The following PCDHA7 variants were observed in gnomAD, a reference collection of about 807,000 sequenced individuals.
PCDHA7 encodes the protein protocadherin alpha 7.
Under a neutral mutation model 57.2 loss-of-function variants are expected in PCDHA7, and 37 were observed. The ratio of observed to expected loss-of-function variants is 0.65; its 90% CI spans 0.50 to 0.85. PCDHA7 has a LOEUF of 0.85. PCDHA7 is among the 40% of genes least tolerant of loss of function. The probability of loss-of-function intolerance (pLI) is 0.00; values close to 1 mark genes in which losing one functional copy is unlikely to be tolerated. For missense variants in PCDHA7, 1,188 were observed against 1,241.8 expected (o/e 0.96, Z 0.65); for synonymous variants, 553 against 558.8 (o/e 0.99, Z 0.15).
In PCDHA7 at chr5:140,834,427, T is replaced by C. The variant is rs2150217610; in HGVS notation, c.44T>C (p.Leu15Pro). The C allele has an allele frequency of 6.2e-7, 1 of 1,613,722 alleles. No individual in the cohort carries two copies. Among genetic ancestry groups the C allele is most frequent in the Non-Finnish European group, 8.5e-7 (1 of 1,179,742 alleles). The change falls in exon 1 of 4, where the codon CTG (leucine) becomes CCG (proline). Residue 15 changes from leucine (L) to proline (P), a missense_variant. Physicochemically the swap from Leu to Pro is moderately conservative, Grantham distance 98. Transcript: ENST00000525929. ...TACGACCCAGGGGGCCGACATCTACTGCTGTTTATTATAATTCTAGCAGCT... is the reference window on the plus strand; with the variant it reads ...TACGACCCAGGGGGCCGACATCTACCGCTGTTTATTATAATTCTAGCAGCT... ...NGYDPGGRHL[L>P]LFIIILAAWE...
chr5:140,906,595 C>T (rs1341854347), intron 1 of PCDHA7, among the ~76,000 whole-genome samples: 1 of 152,218 alleles, frequency 6.6e-6, no homozygotes, highest in Non-Finnish European at 1.5e-5. Context: ...CCTTCCTCTA[C>T]TACTCATTCT....
chr5:140,853,750 C>T (rs2042854263), intron 1 of PCDHA7: 1 of 988,454 alleles, frequency 1.0e-6, no homozygotes, highest in Non-Finnish European at 1.2e-6. Context: ...TGGTTCAAGG[C>T]TCCACCTCAG....
chr5:140,948,005 T>G (rs246049), intron 1 of PCDHA7, among the ~76,000 whole-genome samples: 85,182 of 151,072 alleles, frequency 0.56, 24,606 homozygotes, highest in African/African-American at 0.69. Flanking sequence ...TTATTAAATT[T>G]AGGAAGTACC....
rs561284006 is a variant in PCDHA7, at chr5:140,905,585, T to G, written c.2355+68847T>G. 2.0e-5 allele frequency among the ~76,000 whole-genome samples: 3 copies of G among 152,306 alleles called. No individual in the cohort carries two copies. The East Asian group carries it at 5.8e-4, about 29-fold the overall frequency. On this transcript the variant is annotated intron_variant, in intron 1 of 3. Coordinates refer to ENST00000525929, the MANE Select transcript of PCDHA7 (RefSeq NM_018910.3). ...AGTCATGTGAAGAATGATAATGATATTTTGCTGGGAATTGCATTGAATCTA... is the reference window on the plus strand; with the variant it reads ...AGTCATGTGAAGAATGATAATGATAGTTTGCTGGGAATTGCATTGAATCTA...
Position 140,841,227 on chromosome 5 carries a change from G to C in PCDHA7, c.2355+4489G>C, listed in dbSNP as rs1468435006. The C allele has an allele frequency of 2.1e-6, 3 of 1,454,606 alleles. No homozygotes were observed. The African/African-American group carries it at 4.3e-5, about 21-fold the overall frequency. The allele number at this position is 1,454,606 out of a possible 1,614,324, so 90.1% of individuals were successfully genotyped here. On this transcript the variant is annotated intron_variant, in intron 1 of 3. Transcript: ENST00000525929. The stretch of plus-strand genomic sequence containing the variant: ...ATCTGTCTCTAAAGGCCGAACAACG[G>C]GAGATGCAGCGGAATTGGATTAAAA...
chr5:140,885,998 A>G (rs2060805032), intron 1 of PCDHA7, among the ~76,000 whole-genome samples: 1 of 152,190 alleles, frequency 6.6e-6, no homozygotes, highest in Non-Finnish European at 1.5e-5. Context: ...GTTGAAAGAA[A>G]TAGTAAAGGG....
At chr5:140,906,265 TATAG>T (rs1455952624) in intron 1 of PCDHA7, among the ~76,000 whole-genome samples, 7 of 152,148 alleles carry the variant, frequency 4.6e-5, no homozygotes, top group African/African-American at 1.2e-4. Context: ...CTCCTGAAAT[TATAG>T]ATAATCTTCA....
chr5:140,981,498 T>C (rs1299157295), intron 2 of PCDHA7, among the ~76,000 whole-genome samples: 1 of 152,146 alleles, frequency 6.6e-6, no homozygotes, highest in African/African-American at 2.4e-5. Context: ...TGCTTGAACC[T>C]GGGAGGCAGA....
intron 1 of PCDHA7, chr5:140,927,125 G>C (rs782734791): frequency 6.2e-7 from 1 of 1,614,076 alleles, no homozygotes; most frequent in Admixed American, 1.7e-5. Flanking sequence ...TTGGTGGTCA[G>C]AGAGCCGGCG....
At chr5:140,938,752 A>G (rs1213369856) in intron 1 of PCDHA7, among the ~76,000 whole-genome samples, 1 of 152,146 alleles carries the variant, frequency 6.6e-6, no homozygotes, top group Non-Finnish European at 1.5e-5. Flanking sequence ...TTTTAAAGGC[A>G]TAGTTATTGG....
chr5:140,851,068 AATT>A, intron 1 of PCDHA7: 1 of 1,354,280 alleles, frequency 7.4e-7, no homozygotes, highest in Non-Finnish European at 9.7e-7. Context: ...TTCTAGTGAG[AATT>A]ATAAACTGTA....
chr5:140,857,126 G>A, intron 1 of PCDHA7: 2 of 1,598,256 alleles, frequency 1.3e-6, no homozygotes, highest in Non-Finnish European at 1.7e-6. Flanking sequence ...CCCAGTGAAA[G>A]AAGATGCTCA....
At chr5:140,883,547 G>C in intron 1 of PCDHA7, 1 of 1,614,234 alleles carries the variant, frequency 6.2e-7, no homozygotes, top group Non-Finnish European at 8.5e-7. Flanking sequence ...GGTGGTGACC[G>C]CGCGGGACGG....
intron 1 of PCDHA7, among the ~76,000 whole-genome samples, chr5:140,941,202 C>CCTTCCTTTCTTTCTTT (rs1554213920): frequency 7.0e-4 from 86 of 122,822 alleles, no homozygotes; most frequent in Admixed American, 2.1e-3. Context: ...TTTCTTTCTT[C>CCTTCCTTTCTTTCTTT]CTTTCTTTCT....
intron 1 of PCDHA7, among the ~76,000 whole-genome samples, chr5:140,885,299 G>A (rs904206700): frequency 3.9e-5 from 6 of 152,042 alleles, no homozygotes; most frequent in African/African-American, 1.4e-4. Context: ...GAGAGACCTG[G>A]TAGGCTTTTT....
chr5:141,001,435 A>G (rs1377491641), intron 3 of PCDHA7, among the ~76,000 whole-genome samples: 4 of 152,202 alleles, frequency 2.6e-5, no homozygotes, highest in African/African-American at 7.2e-5. Flanking sequence ...TTCCATGGAA[A>G]AGTCTTTCCA....
intron 1 of PCDHA7, among the ~76,000 whole-genome samples, chr5:140,839,285 T>C (rs2150296208): frequency 2.0e-5 from 3 of 152,170 alleles, no homozygotes; most frequent in East Asian, 3.9e-4. Flanking sequence ...CTTCCTAGCA[T>C]ATTATTAAAG....
intron 3 of PCDHA7, among the ~76,000 whole-genome samples, chr5:140,999,135 C>T (rs2097848218): frequency 6.6e-6 from 1 of 152,180 alleles, no homozygotes; most frequent in Non-Finnish European, 1.5e-5. Context: ...GAAAATGTCA[C>T]AGCCGGAAGT....
At chr5:140,884,493 C>T (rs782633321) in intron 1 of PCDHA7, 2 of 1,614,038 alleles carry the variant, frequency 1.2e-6, no homozygotes, top group African/African-American at 1.3e-5. Flanking sequence ...CTAGTGTGCT[C>T]CAGCGCGGCA....
Sources: allele counts gnomAD v4.1 joint callset (sites outside exome capture counted in the v4.1 genomes callset), GRCh38; gene constraint gnomAD v4.1.1; transcripts MANE v1.5; gene names NCBI Gene and HGNC (gene_info 2026-07-23, HGNC 2026-07-21).